DPYSL5: variants seen among roughly 807,000 people sequenced by gnomAD.
DPYSL5 encodes the protein dihydropyrimidinase-related protein 5.
Under a neutral mutation model 58.4 loss-of-function variants are expected in DPYSL5, and 9 were observed. The observed-to-expected ratio is 0.15, with a 90% confidence interval of 0.09 to 0.27. The LOEUF (loss-of-function observed/expected upper bound fraction) is 0.27, where lower values mean the gene tolerates loss of function less well. Among genes scored for constraint, DPYSL5 ranks in the 10% least tolerant of loss-of-function variants. The pLI, the probability that DPYSL5 is intolerant of heterozygous loss-of-function variation, is 1.00. For synonymous variants in DPYSL5, 293 were observed against 301.9 expected, an observed-to-expected ratio of 0.97 and a Z score of 0.31; for missense variants, 499 against 770.6, an observed-to-expected ratio of 0.65 and a Z score of 4.17.
rs1260987804 is a variant in DPYSL5 at position 26,927,585 on chromosome 2, G to A, written c.600+153G>A. On this transcript the variant is annotated intron_variant, in intron 4 of 12. Transcript: ENST00000288699. The surrounding 1 kb of genome is among the most constrained non-coding windows in gnomAD (Gnocchi z 4.3). ...GTGGACACCCCAGCTGTCAGATCTT[G>A]GTCAGAAAATCCAAACTTTACTACT... Among the ~76,000 whole-genome samples the A allele has an allele frequency of 6.6e-6, 1 of 152,098 alleles. No homozygotes were observed. The highest frequency in any genetic ancestry group is 2.4e-5 in the African/African-American group (1 of 41,404).
In DPYSL5 at chr2:26,898,793, C is replaced by A. The variant is rs749243839; in HGVS notation, c.261+33C>A. ...TCCTGTTTGCCAAAGGTGGCTTCCT[C>A]TTTGGCTTTTTTATTCTGCTTCTAG... On this transcript the variant is annotated intron_variant, in intron 2 of 12. Transcript: ENST00000288699. This position sits in a 1 kb window ranked among gnomAD's most constrained non-coding sequence, Gnocchi z 6.1. 21 of 1,575,426 alleles carry A rather than the reference C, an allele frequency of 1.3e-5. 1 individual carries two copies. The South Asian group carries it at 2.4e-4, about 18-fold the overall frequency.
chr2:26,910,701 C>T (rs569762237), intron 2 of DPYSL5, among the ~76,000 whole-genome samples: 9 of 150,548 alleles, frequency 6.0e-5, no homozygotes, highest in African/African-American at 1.5e-4. Context: ...TTGATCTGCC[C>T]GCCCCAGCCT....
At chr2:26,919,030 T>C (rs1386434404) in intron 2 of DPYSL5, among the ~76,000 whole-genome samples, 1 of 152,186 alleles carries the variant, frequency 6.6e-6, no homozygotes, top group Non-Finnish European at 1.5e-5. Context: ...AGGGCAGTCC[T>C]GTAGAAGATG....
chr2:26,889,413 G>T (rs1663812576), intron 1 of DPYSL5, among the ~76,000 whole-genome samples: 1 of 152,068 alleles, frequency 6.6e-6, no homozygotes, highest in Admixed American at 6.5e-5. Context: ...GGGACTACAG[G>T]CGCCAGCCAC....
chr2:26,881,619 A>T (rs1420574008), intron 1 of DPYSL5, among the ~76,000 whole-genome samples: 2 of 152,168 alleles, frequency 1.3e-5, no homozygotes, highest in Non-Finnish European at 2.9e-5. Context: ...GCTGCTTTTG[A>T]TTGGGCAGAA....
In DPYSL5 at chr2:26,942,785, C is replaced by T. The variant is rs1470912477; in HGVS notation, c.1440+35C>T. 2 of 1,596,138 alleles carry T rather than the reference C, an allele frequency of 1.3e-6. No homozygotes were observed. The highest frequency in any genetic ancestry group is 2.2e-5 in the East Asian group (1 of 44,558). On this transcript the variant is annotated intron_variant, in intron 11 of 12. Transcript: ENST00000288699. The surrounding 1 kb of genome is among the most constrained non-coding windows in gnomAD (Gnocchi z 5.9). ...GAGGAGGAAGATGCAGGGGTGTTGG[C>T]GCCCCCTGCCGGGGAACATCCTCCA...
chr2:26,859,350 G>A (rs1217104048), intron 1 of DPYSL5, among the ~76,000 whole-genome samples: 1 of 150,296 alleles, frequency 6.7e-6, no homozygotes, highest in Non-Finnish European at 1.5e-5. Context: ...AATAGAGATT[G>A]TGTTTTTTTT....
At chr2:26,873,758 C>A (rs1663332091) in intron 1 of DPYSL5, among the ~76,000 whole-genome samples, 1 of 152,194 alleles carries the variant, frequency 6.6e-6, no homozygotes, top group African/African-American at 2.4e-5. Context: ...TCTGTTACAT[C>A]TATAAATGGA....
At chr2:26,883,225 GATAA>G (rs1443173781) in intron 1 of DPYSL5, among the ~76,000 whole-genome samples, 3 of 152,106 alleles carry the variant, frequency 2.0e-5, no homozygotes, top group Admixed American at 2.0e-4. Context: ...CTGCCAGATA[GATAA>G]CCACTGCCAG....
chr2:26,942,180 T>G lies in DPYSL5; in HGVS notation c.1232+88T>G. On this transcript the variant is annotated intron_variant, in intron 10 of 12. Transcript: ENST00000288699. The surrounding 1 kb of genome is among the most constrained non-coding windows in gnomAD (Gnocchi z 5.9). Reference sequence around the variant, plus strand: ...ACAGATCTCCAAAAGCATATAATTTTGCACTATTTCTAGCACAAAATATGG... The same window carrying G: ...ACAGATCTCCAAAAGCATATAATTTGGCACTATTTCTAGCACAAAATATGG... 1 of 1,569,112 alleles carries G rather than the reference T, an allele frequency of 6.4e-7. No individual in the cohort carries two copies.
intron 2 of DPYSL5, among the ~76,000 whole-genome samples, chr2:26,909,946 A>G (rs1249909890): frequency 2.0e-5 from 3 of 152,234 alleles, no homozygotes; most frequent in Non-Finnish European, 4.4e-5. Context: ...TGACATATAC[A>G]TACATCAAGA....
At chr2:26,910,616 C>CTT (rs34929540) in intron 2 of DPYSL5, among the ~76,000 whole-genome samples, 38,389 of 118,126 alleles carry the variant, frequency 0.32, 6,398 homozygotes, top group Admixed American at 0.47. Flanking sequence ...TCTTCTTCTT[C>CTT]TTTTTTTTTT....
chr2:26,931,137 TAAAA>T (rs61652873), intron 5 of DPYSL5, among the ~76,000 whole-genome samples: 26 of 49,528 alleles, frequency 5.2e-4, no homozygotes, highest in Non-Finnish European at 7.3e-4. Flanking sequence ...AGACCCTATC[TAAAA>T]AAAAAAAAAA....
intron 8 of DPYSL5, among the ~76,000 whole-genome samples, chr2:26,936,945 T>A (rs867007033): frequency 2.6e-5 from 2 of 77,872 alleles, no homozygotes; most frequent in Non-Finnish European, 4.9e-5. Flanking sequence ...AGACTTCATT[T>A]AAAAAAAAAA....
rs60930164 is a variant in DPYSL5, at chr2:26,887,568, T to A, written c.-4-10928T>A. On this transcript the variant is annotated intron_variant, in intron 1 of 12. Transcript: ENST00000288699. Reference sequence around the variant, plus strand: ...AGTGTATGGTGTGTGCATTTCATGATCAAGAAGCAGCAGCTGCCATAACTT... The same window carrying A: ...AGTGTATGGTGTGTGCATTTCATGAACAAGAAGCAGCAGCTGCCATAACTT... 2.2e-3 allele frequency among the ~76,000 whole-genome samples: 338 copies of A among 152,318 alleles called. 4 individuals are homozygous for A. Among genetic ancestry groups the A allele is most frequent in the African/African-American group, 7.8e-3 (325 of 41,564 alleles).
intron 5 of DPYSL5, among the ~76,000 whole-genome samples, chr2:26,931,169 A>ATGTGTG (rs1324624030): frequency 0.055 from 2,478 of 45,396 alleles, 172 homozygotes; most frequent in Non-Finnish European, 0.068. Context: ...ATATATATAT[A>ATGTGTG]TGTGTGTGTG....
chr2:26,927,503 A>T lies in DPYSL5; in HGVS notation c.600+71A>T. On this transcript the variant is annotated intron_variant, in intron 4 of 12. Coordinates refer to ENST00000288699, the MANE Select transcript of DPYSL5 (RefSeq NM_020134.4). The surrounding 1 kb of genome is among the most constrained non-coding windows in gnomAD (Gnocchi z 4.3). The stretch of plus-strand genomic sequence containing the variant: ...ACAGTTAGTTCTCAGGGGATTCCTG[A>T]CCACCCGTCACTGATCCCACAGGAT... The T allele has an allele frequency of 1.3e-6, 2 of 1,537,396 alleles. No homozygotes were observed. Among genetic ancestry groups the T allele is most frequent in the Non-Finnish European group, 1.8e-6 (2 of 1,133,324 alleles).
At chr2:26,936,132 C>A (rs548780261) in intron 8 of DPYSL5, among the ~76,000 whole-genome samples, 1 of 152,130 alleles carries the variant, frequency 6.6e-6, no homozygotes, top group Non-Finnish European at 1.5e-5. Flanking sequence ...GGTATGGAAG[C>A]CCCACTCAAC....
Position 26,865,628 on chromosome 2 carries a change from A to G in DPYSL5, c.-5+17374A>G, listed in dbSNP as rs556244127. On this transcript the variant is annotated intron_variant, in intron 1 of 12. Transcript: ENST00000288699. The stretch of plus-strand genomic sequence containing the variant: ...ACACCTGGCCTGTGTCCATTTTTAA[A>G]TGCATGGTGAGCTTGAAGTCATCAG... Among the ~76,000 whole-genome samples, 4 of 152,236 alleles carry G rather than the reference A, an allele frequency of 2.6e-5. No homozygotes were observed. In the South Asian group the frequency reaches 8.3e-4, roughly 32 times the overall value.
Sources: allele counts gnomAD v4.1 joint callset (sites outside exome capture counted in the v4.1 genomes callset), GRCh38; gene constraint gnomAD v4.1.1; non-coding constraint Gnocchi (gnomAD v3.1); transcripts MANE v1.5; gene names NCBI Gene and HGNC (gene_info 2026-07-23, HGNC 2026-07-21).